Variants in CCNY observed in about 807,000 individuals in gnomAD.
CCNY encodes cyclin-Y.
Under a neutral mutation model 42.8 loss-of-function variants are expected in CCNY, and 19 were observed. The observed-to-expected ratio is 0.44, with a 90% confidence interval of 0.31 to 0.65. The LOEUF (loss-of-function observed/expected upper bound fraction) is 0.65, where lower values mean the gene tolerates loss of function less well. Ranked by LOEUF, CCNY falls within the 30% of genes least tolerant of loss-of-function variation. The probability of loss-of-function intolerance (pLI) is 0.07; values close to 1 mark genes in which losing one functional copy is unlikely to be tolerated. For synonymous variants in CCNY, 165 were observed against 162.7 expected (o/e 1.01, Z -0.11); for missense variants, 370 against 437.3 (o/e 0.85, Z 1.37).
At chr10:35,362,769 A>G (rs1164700680) in intron 1 of CCNY, among the ~76,000 whole-genome samples, 2 of 135,968 alleles carry the variant, frequency 1.5e-5, no homozygotes, top group Non-Finnish European at 3.2e-5. Context: ...CGCTCATCAC[A>G]TCCCAGAGGG....
chr10:35,442,962 A>G (rs1388099256), intron 1 of CCNY, among the ~76,000 whole-genome samples: 1 of 152,266 alleles, frequency 6.6e-6, no homozygotes, highest in Admixed American at 6.5e-5. Flanking sequence ...CTTGTACAGC[A>G]TCTGACTGGA....
Position 35,530,525 on chromosome 10 carries a change from A to G in CCNY, c.579+282A>G, listed in dbSNP as rs1187601008. On this transcript the variant is annotated intron_variant, in intron 7 of 9. Transcript: ENST00000374704. This position sits in a 1 kb window ranked among gnomAD's most constrained non-coding sequence, Gnocchi z 4.3. ...TAAAAATGCAGGTAAGTAAAACAGT[A>G]GGGCTAAGAGAGTGGTTATATGGCC... is the stretch of plus-strand genomic sequence containing the variant. Among the ~76,000 whole-genome samples, 1 of 152,240 alleles carries G rather than the reference A, an allele frequency of 6.6e-6. No individual in the cohort carries two copies. The highest frequency in any genetic ancestry group is 1.5e-5 in the Non-Finnish European group (1 of 68,030).
At chr10:35,261,842 A>G (rs1445877392) in intron 3 of CCNY, among the ~76,000 whole-genome samples, 1 of 151,962 alleles carries the variant, frequency 6.6e-6, no homozygotes, top group African/African-American at 2.4e-5. Flanking sequence ...CCAAAATGGC[A>G]AAACCCCGTC....
chr10:35,455,265 A>G (rs1309498226), intron 1 of CCNY: 1 of 152,216 alleles, frequency 6.6e-6, no homozygotes. Flanking sequence ...GCTGAAAAAA[A>G]TGCTGCCTTT....
intron 1 of CCNY, among the ~76,000 whole-genome samples, chr10:35,436,023 G>A (rs1838525002): frequency 6.6e-6 from 1 of 152,140 alleles, no homozygotes; most frequent in Non-Finnish European, 1.5e-5. Context: ...GATGAAATTT[G>A]GATAGTGGAC....
rs1316641397 is a variant in CCNY, at chr10:35,413,916, G to GC, written c.155-69484dup. Among the ~76,000 whole-genome samples, 16 of 152,180 alleles carry GC rather than the reference G, an allele frequency of 1.1e-4. No individual in the cohort carries two copies. In the East Asian group the frequency reaches 3.1e-3, roughly 29 times the overall value. On this transcript the variant is annotated intron_variant, in intron 1 of 9. Coordinates refer to ENST00000374704, the MANE Select transcript of CCNY (RefSeq NM_145012.6). ...GACATGCATCGGGCACGTCGCTTTT[G>GC]CCCCACTTCACAAAGGGAGGAGAAG... is the stretch of plus-strand genomic sequence containing the variant.
At chr10:35,425,352 A>T (rs1213816317) in intron 1 of CCNY, among the ~76,000 whole-genome samples, 7 of 152,182 alleles carry the variant, frequency 4.6e-5, no homozygotes, top group Non-Finnish European at 8.8e-5. Flanking sequence ...GTACTTCCTG[A>T]TTGGAAGGCG....
intron 1 of CCNY, among the ~76,000 whole-genome samples, chr10:35,433,510 CA>C (rs1195930098): frequency 1.3e-5 from 2 of 151,968 alleles, no homozygotes; most frequent in African/African-American, 4.8e-5. Flanking sequence ...TTCAGTGTTC[CA>C]AAGTAGAAAA....
At chr10:35,269,856 C>T (rs1183228098) in intron 3 of CCNY, among the ~76,000 whole-genome samples, 1 of 152,096 alleles carries the variant, frequency 6.6e-6, no homozygotes, top group Admixed American at 6.6e-5. Flanking sequence ...ACTTGAACTC[C>T]TGACCTAGTG....
At chr10:35,394,768 C>T (rs1333080611) in intron 1 of CCNY, 1 of 802,008 alleles carries the variant, frequency 1.2e-6, no homozygotes, top group Non-Finnish European at 1.5e-6. Flanking sequence ...CCTTACTTAA[C>T]CTCTGTTTTG....
At chr10:35,419,554 TCTGGAGGA>T (rs1322898594) in intron 1 of CCNY, among the ~76,000 whole-genome samples, 2 of 150,104 alleles carry the variant, frequency 1.3e-5, no homozygotes, top group African/African-American at 4.9e-5. Context: ...TTTTTAGCAA[TCTGGAGGA>T]TTTTTAAGGT....
chr10:35,548,384 C>T (rs1332362346), intron 7 of CCNY, among the ~76,000 whole-genome samples: 2 of 151,136 alleles, frequency 1.3e-5, no homozygotes, highest in Non-Finnish European at 2.9e-5. Context: ...CTGCAGCCTC[C>T]GCCTCCCGGG....
intron 3 of CCNY, among the ~76,000 whole-genome samples, chr10:35,303,645 T>C (rs972673468): frequency 2.7e-5 from 4 of 150,136 alleles, no homozygotes; most frequent in African/African-American, 9.8e-5. Context: ...GATGTAGTGG[T>C]GCATGCCTGT....
chr10:35,413,226 T>C (rs1304830749), intron 1 of CCNY, among the ~76,000 whole-genome samples: 3 of 151,482 alleles, frequency 2.0e-5, no homozygotes, highest in Non-Finnish European at 2.9e-5. Flanking sequence ...TGAAGGAAGG[T>C]AGGAAAAGGT....
At chr10:35,520,821 G>A (rs943180104) in intron 4 of CCNY, among the ~76,000 whole-genome samples, 10 of 152,154 alleles carry the variant, frequency 6.6e-5, no homozygotes, top group Non-Finnish European at 1.3e-4. Context: ...TGAATTTAGA[G>A]TTTGTCAGCC....
rs576562457 is a variant in CCNY at position 35,471,930 on chromosome 10, T to G, written c.155-11474T>G. ...GCCATTCTTTTAGGAGGTAGGAGACTCTAAGTCAGGAGTATGCAACACCAA... is the reference window on the plus strand; with the variant it reads ...GCCATTCTTTTAGGAGGTAGGAGACGCTAAGTCAGGAGTATGCAACACCAA... On this transcript the variant is annotated intron_variant, in intron 1 of 9. Transcript: ENST00000374704. Among the ~76,000 whole-genome samples, 7 of 152,336 alleles carry G rather than the reference T, an allele frequency of 4.6e-5. No individual in the cohort carries two copies. The South Asian group carries it at 1.4e-3, about 32-fold the overall frequency.
At chr10:35,501,679 T>C (rs954953766) in intron 3 of CCNY, 144 bp downstream of exon 3, 97 of 723,610 alleles carry the variant, frequency 1.3e-4, no homozygotes, top group Middle Eastern at 2.4e-4. Context: ...TTAGTTTGGT[T>C]TGTAATTGGA....
chr10:35,347,551 T>C, intron 1 of CCNY: 2 of 384,976 alleles, frequency 5.2e-6, no homozygotes, highest in Non-Finnish European at 7.1e-6. Flanking sequence ...GGTGGATGCT[T>C]CTGTTCTTGG....
chr10:35,300,968 C>T (rs1334984132), intron 3 of CCNY, among the ~76,000 whole-genome samples: 2 of 152,078 alleles, frequency 1.3e-5, no homozygotes, highest in African/African-American at 4.8e-5. Context: ...CCATGCCTGG[C>T]TAATTTGTTT....
Sources: allele counts gnomAD v4.1 joint callset (sites outside exome capture counted in the v4.1 genomes callset), GRCh38; gene constraint gnomAD v4.1.1; non-coding constraint Gnocchi (gnomAD v3.1); transcripts MANE v1.5; gene names NCBI Gene and HGNC (gene_info 2026-07-23, HGNC 2026-07-21).